CNTNAP2: variants seen among roughly 807,000 people sequenced by gnomAD.
The protein encoded by CNTNAP2 is contactin-associated protein-like 2.
In CNTNAP2, 98 loss-of-function variants were observed where a neutral mutation model predicts 155.2. That is an observed-to-expected ratio of 0.63 (90% CI 0.54 to 0.75). The LOEUF is 0.75. Among genes scored for constraint, CNTNAP2 ranks in the 30% least tolerant of loss-of-function variants. The pLI is 0.00. For missense variants in CNTNAP2, 1,727 were observed against 1,688.1 expected (o/e 1.02, Z -0.40); for synonymous variants, 651 against 631.2 (o/e 1.03, Z -0.47).
intron 17 of CNTNAP2, among the ~76,000 whole-genome samples, chr7:148,153,591 G>A (rs182491242): frequency 6.6e-6 from 1 of 152,116 alleles, no homozygotes; most frequent in Admixed American, 6.5e-5. Flanking sequence ...GGCTGTCCGT[G>A]GGCCAGATTT....
At chr7:146,938,439 G>A (rs931734989) in intron 3 of CNTNAP2, among the ~76,000 whole-genome samples, 12 of 149,910 alleles carry the variant, frequency 8.0e-5, no homozygotes, top group African/African-American at 2.9e-4. Flanking sequence ...GTATACATGT[G>A]TGTATACATA....
chr7:147,240,660 G>T (rs1297856602), intron 8 of CNTNAP2, among the ~76,000 whole-genome samples: 1 of 138,488 alleles, frequency 7.2e-6, no homozygotes, highest in Non-Finnish European at 1.5e-5. Context: ...CACTGCAGGA[G>T]ACTCTGCAGT....
chr7:148,055,484 G>A (rs1277808146), intron 15 of CNTNAP2, among the ~76,000 whole-genome samples: 5 of 152,122 alleles, frequency 3.3e-5, no homozygotes, highest in Non-Finnish European at 7.4e-5. Flanking sequence ...TACCAAATCT[G>A]TGACCTCCAG....
At chr7:147,420,345 G>A (rs1797269450) in intron 10 of CNTNAP2, among the ~76,000 whole-genome samples, 1 of 152,114 alleles carries the variant, frequency 6.6e-6, no homozygotes, top group African/African-American at 2.4e-5. Flanking sequence ...TACATCTTGA[G>A]TACCACAATT....
At chr7:147,491,776 C>A (rs1202187005) in intron 11 of CNTNAP2, among the ~76,000 whole-genome samples, 1 of 151,610 alleles carries the variant, frequency 6.6e-6, no homozygotes, top group Admixed American at 6.6e-5. Flanking sequence ...ACTTACAGGG[C>A]AAAAAGAAAA....
At chr7:147,405,529 A>G (rs886262376) in intron 10 of CNTNAP2, among the ~76,000 whole-genome samples, 3 of 152,172 alleles carry the variant, frequency 2.0e-5, no homozygotes, top group African/African-American at 4.8e-5. Context: ...TTCATTTGCT[A>G]TATGCTCCCT....
chr7:146,869,879 C>T (rs997016396), intron 3 of CNTNAP2, among the ~76,000 whole-genome samples: 4 of 152,088 alleles, frequency 2.6e-5, no homozygotes, highest in African/African-American at 9.7e-5. Flanking sequence ...TCCACTGACT[C>T]GAATATTAAT....
intron 18 of CNTNAP2, among the ~76,000 whole-genome samples, chr7:148,197,817 C>G (rs1454216132): frequency 6.6e-6 from 1 of 152,222 alleles, no homozygotes; most frequent in Non-Finnish European, 1.5e-5. Context: ...AGGAGCTCAA[C>G]AAAGCAGCTT....
chr7:146,883,188 A>C (rs1361460568), intron 3 of CNTNAP2, among the ~76,000 whole-genome samples: 4 of 152,236 alleles, frequency 2.6e-5, no homozygotes, highest in Admixed American at 6.6e-5. Flanking sequence ...GCATTTGTAC[A>C]TTGTATTTTT....
intron 1 of CNTNAP2, among the ~76,000 whole-genome samples, chr7:146,162,062 G>A (rs1798232102): frequency 6.6e-6 from 1 of 152,146 alleles, no homozygotes; most frequent in Non-Finnish European, 1.5e-5. Flanking sequence ...AAAAACCCTA[G>A]AAGAAAACCT....
chr7:146,483,015 G>A (rs559911247), intron 1 of CNTNAP2, among the ~76,000 whole-genome samples: 103 of 151,318 alleles, frequency 6.8e-4, no homozygotes, highest in African/African-American at 2.4e-3. Context: ...GGTGGCTCAC[G>A]CCTGTAATCC....
chr7:147,130,557 T>C (rs1195864869), intron 7 of CNTNAP2, among the ~76,000 whole-genome samples: 1 of 152,166 alleles, frequency 6.6e-6, no homozygotes, highest in Non-Finnish European at 1.5e-5. Flanking sequence ...TGAGAAAACA[T>C]AGAATAAACT....
At chr7:148,354,257 T>G (rs1423117760) in intron 21 of CNTNAP2, among the ~76,000 whole-genome samples, 1 of 145,408 alleles carries the variant, frequency 6.9e-6, no homozygotes, top group Admixed American at 7.4e-5. Context: ...ATACTAGCAT[T>G]AAATATTTTG....
At chr7:147,080,335 GC>G (rs1327521044) in intron 4 of CNTNAP2, among the ~76,000 whole-genome samples, 28 of 151,866 alleles carry the variant, frequency 1.8e-4, no homozygotes, top group African/African-American at 6.8e-4. Flanking sequence ...TTCCTTTTTT[GC>G]ACTTTAAACC....
chr7:147,905,914 C>CA (rs796945366), intron 14 of CNTNAP2, among the ~76,000 whole-genome samples: 6,386 of 146,314 alleles, frequency 0.044, 175 homozygotes, highest in Non-Finnish European at 0.053. Context: ...AACAAACAAA[C>CA]AAAAAAAAAC....
At chr7:147,706,845 T>G (rs1300498821) in intron 13 of CNTNAP2, among the ~76,000 whole-genome samples, 3 of 152,198 alleles carry the variant, frequency 2.0e-5, no homozygotes, top group Non-Finnish European at 4.4e-5. Context: ...ATTATTTTTG[T>G]CTGGCTGGGT....
intron 9 of CNTNAP2, among the ~76,000 whole-genome samples, chr7:147,391,656 C>T (rs1796720606): frequency 6.6e-6 from 1 of 151,988 alleles, no homozygotes; most frequent in African/African-American, 2.4e-5. Context: ...TAATTAGAAT[C>T]CCTATTGTTT....
intron 1 of CNTNAP2, among the ~76,000 whole-genome samples, chr7:146,541,851 G>A (rs1344324161): frequency 2.0e-5 from 3 of 151,916 alleles, no homozygotes; most frequent in Admixed American, 2.0e-4. Context: ...GCCCTGCCTT[G>A]CATGTACTGT....
chr7:146,143,885 C>T (rs1458888910), intron 1 of CNTNAP2, among the ~76,000 whole-genome samples: 1 of 152,042 alleles, frequency 6.6e-6, no homozygotes, highest in Non-Finnish European at 1.5e-5. Context: ...GCTTCAGTCT[C>T]CCATGTAGCT....
Sources: gnomAD v4.1 joint callset for allele counts (sites outside exome capture counted in the v4.1 genomes callset) on GRCh38, gnomAD v4.1.1 for gene constraint, MANE v1.5 for transcripts, NCBI Gene and HGNC (gene_info 2026-07-23, HGNC 2026-07-21) for gene names.